PKHD1: variants seen among roughly 807,000 people sequenced by gnomAD.
The protein encoded by PKHD1 is fibrocystin.
In PKHD1, 291 loss-of-function variants were observed where a neutral mutation model predicts 412.0. The ratio of observed to expected loss-of-function variants is 0.71; its 90% confidence interval spans 0.64 to 0.78. The LOEUF (loss-of-function observed/expected upper bound fraction) is 0.78. PKHD1 is among the 30% of genes least tolerant of loss of function. PKHD1 has a pLI of 0.00. For missense variants in PKHD1, 4,825 were observed against 4,950.7 expected (o/e 0.97, Z 0.76); for synonymous variants, 1,777 against 1,821.5 (o/e 0.98, Z 0.62).
intron 48 of PKHD1, among the ~76,000 whole-genome samples, chr6:51,867,117 TACTTG>T (rs1314527793): frequency 6.6e-6 from 1 of 152,268 alleles, no homozygotes; most frequent in East Asian, 1.9e-4. Context: ...CTGACTGAAT[TACTTG>T]ACTTAATACT....
intron 27 of PKHD1, among the ~76,000 whole-genome samples, chr6:52,040,691 C>T (rs995144552): frequency 1.3e-5 from 2 of 152,174 alleles, no homozygotes; most frequent in South Asian, 2.1e-4. Context: ...TTCCTTCTGA[C>T]TTGAACTGTC....
chr6:52,036,556 G>A (rs1803981130), intron 27 of PKHD1, among the ~76,000 whole-genome samples: 1 of 152,202 alleles, frequency 6.6e-6, no homozygotes. Flanking sequence ...GGGGAGGGAT[G>A]CAGAAGCAAG....
At chr6:51,894,126 G>A (rs1203641666) in intron 43 of PKHD1, among the ~76,000 whole-genome samples, 1 of 152,296 alleles carries the variant, frequency 6.6e-6, no homozygotes, top group South Asian at 2.1e-4. Context: ...AGATAACAAG[G>A]AGCTCCTGTC....
intron 53 of PKHD1, among the ~76,000 whole-genome samples, chr6:51,776,997 G>C (rs1258704535): frequency 2.0e-5 from 3 of 151,934 alleles, no homozygotes; most frequent in African/African-American, 7.2e-5. Context: ...AAATACTAAA[G>C]TTATTAAAGT....
intron 55 of PKHD1, among the ~76,000 whole-genome samples, chr6:51,761,666 C>T (rs1364004328): frequency 1.3e-5 from 2 of 151,904 alleles, no homozygotes; most frequent in Non-Finnish European, 2.9e-5. Context: ...ATCCACAATG[C>T]AATACATGCA....
At chr6:52,042,271 C>A (rs1431217203) in intron 27 of PKHD1, among the ~76,000 whole-genome samples, 1 of 152,166 alleles carries the variant, frequency 6.6e-6, no homozygotes, top group African/African-American at 2.4e-5. Context: ...TAAATATGTT[C>A]TAAGCTGCAG....
At position 52,048,586 on chromosome 6, in the gene PKHD1, A is replaced by C; in HGVS notation, c.2313T>G (p.Ser771=). The C allele has an allele frequency of 3.1e-6, 5 of 1,614,168 alleles. No individual in the cohort carries two copies. Among genetic ancestry groups the C allele is most frequent in the Non-Finnish European group, 3.4e-6 (4 of 1,179,988 alleles). ...SVPTEGTEEG[S]GLVLVTTQRR... ...TCTGTGTCGTCACCAGGACCAGTCC[A>C]GATCCCTCTTCTGTTCCTTCAGTGG... Residue 771 remains serine, a synonymous_variant, in exon 23 of 67, where the codon TCT becomes TCG. Coordinates refer to ENST00000371117, the MANE Select transcript of PKHD1 (RefSeq NM_138694.4).
intron 63 of PKHD1, among the ~76,000 whole-genome samples, chr6:51,640,186 T>C (rs1205806582): frequency 6.6e-6 from 1 of 152,168 alleles, no homozygotes; most frequent in Non-Finnish European, 1.5e-5. Context: ...TTTGCTGCAG[T>C]TTTTCCTTTG....
intron 60 of PKHD1, among the ~76,000 whole-genome samples, chr6:51,682,523 G>T (rs1776825984): frequency 6.6e-6 from 1 of 152,036 alleles, no homozygotes; most frequent in Non-Finnish European, 1.5e-5. Context: ...CTGAGAATGA[G>T]TTATTATATT....
In PKHD1 at chr6:51,960,121, C is replaced by A. The variant is rs1791790286; in HGVS notation, c.5752-95G>T. 5.7e-6 allele frequency: 7 copies of A among 1,221,848 alleles called. No homozygotes were observed. In the Admixed American group the frequency reaches 8.9e-5, roughly 16 times the overall value. The allele number at this position is 1,221,848 out of a possible 1,614,324, so 75.7% of individuals were successfully genotyped here. A position where few individuals can be genotyped will look rare whatever the true frequency, so the allele number is the denominator to read the frequency against. ...TCGCTGGTTTGTTGGTTTGTTGGTT[C>A]ATTCATTGTTTTTGGGCGGGATAGT... On this transcript the variant is annotated intron_variant, in intron 35 of 66. Coordinates refer to ENST00000371117, the MANE Select transcript of PKHD1 (RefSeq NM_138694.4).
chr6:51,762,554 C>A (rs1193241640), intron 55 of PKHD1, among the ~76,000 whole-genome samples: 1 of 151,904 alleles, frequency 6.6e-6, no homozygotes, highest in Non-Finnish European at 1.5e-5. Flanking sequence ...TTCAAAATAT[C>A]TTGCTAAGCT....
chr6:52,015,749 G>A lies in PKHD1; in HGVS notation c.5600+1661C>T, dbSNP rs371970495. 8.3e-4 allele frequency among the ~76,000 whole-genome samples: 126 copies of A among 152,006 alleles called. 1 individual carries two copies. Among genetic ancestry groups the A allele is most frequent in the African/African-American group, 2.8e-3 (115 of 41,462 alleles). On this transcript the variant is annotated intron_variant, in intron 34 of 66. Transcript: ENST00000371117. ...TGAGGCAGGAGAATGGCTTGAACCC[G>A]GGAGGCAGAGCTTGCAGTGAACCGA... is the stretch of plus-strand genomic sequence containing the variant.
intron 44 of PKHD1, among the ~76,000 whole-genome samples, chr6:51,886,220 T>G (rs1198269557): frequency 6.6e-6 from 1 of 152,158 alleles, no homozygotes; most frequent in African/African-American, 2.4e-5. Flanking sequence ...TCCCAGGGGC[T>G]CTGCATATTT....
intron 52 of PKHD1, among the ~76,000 whole-genome samples, chr6:51,796,420 T>C (rs1794605873): frequency 8.3e-6 from 1 of 120,998 alleles, no homozygotes; most frequent in Non-Finnish European, 1.7e-5. Flanking sequence ...TAGCTAGCAG[T>C]CTATTTAATT....
At position 51,619,162 on chromosome 6, in the gene PKHD1, T is replaced by TC; in HGVS notation, c.12143_12144insG (p.Glu4049ArgfsTer10). On this transcript the variant is annotated frameshift_variant, in exon 67 of 67. Transcript: ENST00000371117. LOFTEE classifies it low-confidence loss of function (END_TRUNC). ...TGGCCCCGCAGGAGGCTTTCTTCTC[T>TC]TGGGAAAGCCCCAAGCTGCCACTTT... The TC allele has an allele frequency of 6.2e-7, 1 of 1,614,180 alleles. No homozygotes were observed. Among genetic ancestry groups the TC allele is most frequent in the Non-Finnish European group, 8.5e-7 (1 of 1,179,982 alleles).
At chr6:51,899,145 A>T (rs1035650925) in intron 43 of PKHD1, among the ~76,000 whole-genome samples, 22 of 152,202 alleles carry the variant, frequency 1.4e-4, no homozygotes, top group African/African-American at 5.3e-4. Context: ...AAAAAGAGGG[A>T]ATCCTCCCTA....
Position 51,753,313 on chromosome 6 carries a change from CA to C in PKHD1, c.8837del (p.Leu2946TrpfsTer8). 1 of 1,613,752 alleles carries C rather than the reference CA, an allele frequency of 6.2e-7. No homozygotes were observed. Among genetic ancestry groups the C allele is most frequent in the Non-Finnish European group, 8.5e-7 (1 of 1,179,734 alleles). On this transcript the variant is annotated frameshift_variant, in exon 57 of 67. Coordinates refer to ENST00000371117, the MANE Select transcript of PKHD1 (RefSeq NM_138694.4). LOFTEE classifies it high-confidence loss of function. ...GGGTCAACAGTCCAACCTCAGCAGCCAAACGAATGTGTCGGCCATCCTCCGT... is the reference window on the plus strand; with the variant it reads ...GGGTCAACAGTCCAACCTCAGCAGCCAACGAATGTGTCGGCCATCCTCCGT... ...HVTEDGRHIRLAAEVGLLTRN... is the reference protein window; with the variant it reads ...HVTEDGRHIRXAAEVGLLTRN...
At chr6:51,780,363 G>T (rs1021429329) in intron 53 of PKHD1, among the ~76,000 whole-genome samples, 1 of 151,606 alleles carries the variant, frequency 6.6e-6, no homozygotes, top group Non-Finnish European at 1.5e-5. Flanking sequence ...ACTCCAGCCT[G>T]GTGACAGAGA....
In PKHD1 at chr6:51,659,503, G is replaced by A; in HGVS notation, c.10623C>T (p.Asn3541=). 1.2e-6 allele frequency: 2 copies of A among 1,613,620 alleles called. No homozygotes were observed. Among genetic ancestry groups the A allele is most frequent in the Non-Finnish European group, 1.7e-6 (2 of 1,179,760 alleles). The change falls in exon 61 of 67, where the codon AAC becomes AAT. Residue 3541 remains asparagine, a synonymous_variant. Coordinates refer to ENST00000371117, the MANE Select transcript of PKHD1 (RefSeq NM_138694.4). The part of the protein sequence containing the change: ...IGANYFNIMD[N]LLYVVLQGEE... ...CTCCTTGTAGGACAACATACAAGAGGTTATCCATGATGTTGAAATAGTTGG... is the reference window on the plus strand; with the variant it reads ...CTCCTTGTAGGACAACATACAAGAGATTATCCATGATGTTGAAATAGTTGG...
Sources: gnomAD v4.1 joint callset for allele counts (sites outside exome capture counted in the v4.1 genomes callset) on GRCh38, gnomAD v4.1.1 for gene constraint, MANE v1.5 for transcripts, NCBI Gene and HGNC (gene_info 2026-07-23, HGNC 2026-07-21) for gene names.